The following BOC variants were observed in gnomAD, a reference collection of about 807,000 sequenced individuals.
BOC encodes BOC cell adhesion associated, oncogene regulated.
In BOC, 76 loss-of-function variants were observed where a neutral mutation model predicts 112.0. The observed-to-expected ratio is 0.68, with a 90% confidence interval of 0.56 to 0.82. The LOEUF (loss-of-function observed/expected upper bound fraction) is 0.82, where lower values mean the gene tolerates loss of function less well. Among genes scored for constraint, BOC ranks in the 40% least tolerant of loss-of-function variants. BOC has a pLI of 0.00. For missense variants in BOC, 1,309 were observed against 1,511.7 expected (o/e 0.87, Z 2.22); for synonymous variants, 580 against 599.8 (o/e 0.97, Z 0.48).
At chr3:113,223,969 GT>G (rs1941211645) in intron 2 of BOC, among the ~76,000 whole-genome samples, 1 of 152,252 alleles carries the variant, frequency 6.6e-6, no homozygotes. Flanking sequence ...GGAGCTGCCT[GT>G]GTTTGGGTTC....
At chr3:113,254,221 T>A (rs12485329) in intron 4 of BOC, among the ~76,000 whole-genome samples, 30,609 of 152,180 alleles carry the variant, frequency 0.2, 3,855 homozygotes, top group East Asian at 0.46. Context: ...CTGGGCTTAT[T>A]TGAAAGCCAA....
chr3:113,281,267 T>C (rs1949175557), intron 15 of BOC, 114 bp downstream of exon 15: 1 of 1,270,232 alleles, frequency 7.9e-7, no homozygotes, highest in Admixed American at 2.4e-5. Context: ...GACTCTTTGT[T>C]TTCCAAATAC....
intron 4 of BOC, among the ~76,000 whole-genome samples, chr3:113,265,733 G>A (rs1179239180): frequency 6.6e-6 from 1 of 152,166 alleles, no homozygotes; most frequent in African/African-American, 2.4e-5. Context: ...TAAATAATTT[G>A]TGGGACCAAA....
In BOC at chr3:113,216,205, G is replaced by T; in HGVS notation, c.-151G>T. 2.2e-6 allele frequency: 1 copy of T among 455,954 alleles called. No homozygotes were observed. Among genetic ancestry groups the T allele is most frequent in the South Asian group, 1.6e-5 (1 of 64,378 alleles). 28.2% of individuals were successfully genotyped at this position (455,954 alleles called of 1,614,324 possible). ...TCCTCAGTTTCAGAACAAGCTTCCT[G>T]GAACCCATGACCCATGAAGTCTTGT... On this transcript the variant is annotated 5_prime_UTR_variant, in exon 2 of 20. Coordinates refer to ENST00000682979, the MANE Select transcript of BOC (RefSeq NM_001378074.1).
chr3:113,272,106 A>T, intron 6 of BOC: 1 of 436,282 alleles, frequency 2.3e-6, no homozygotes, highest in Non-Finnish European at 4.2e-6. Flanking sequence ...CTGCCTCTAC[A>T]CTCCCTCACC....
At chr3:113,256,928 G>A (rs1946286719) in intron 4 of BOC, among the ~76,000 whole-genome samples, 1 of 152,182 alleles carries the variant, frequency 6.6e-6, no homozygotes, top group African/African-American at 2.4e-5. Context: ...TATTTTCTGT[G>A]TTGTGTTCTT....
chr3:113,282,780 T>G (rs1576508774), intron 15 of BOC, among the ~76,000 whole-genome samples: 4 of 148,954 alleles, frequency 2.7e-5, no homozygotes, highest in South Asian at 2.2e-4. Flanking sequence ...AGCAGAGAGG[T>G]GGGGGACATT....
intron 16 of BOC, among the ~76,000 whole-genome samples, chr3:113,284,045 C>T (rs1949445259): frequency 6.6e-6 from 1 of 152,054 alleles, no homozygotes; most frequent in Non-Finnish European, 1.5e-5. Flanking sequence ...GGTCAGCTTA[C>T]CTCCTCTAAA....
At chr3:113,246,808 C>T (rs1310791537) in intron 2 of BOC, among the ~76,000 whole-genome samples, 1 of 152,110 alleles carries the variant, frequency 6.6e-6, no homozygotes, top group Non-Finnish European at 1.5e-5. Context: ...TAACTCCTTT[C>T]TCCCTCTCTG....
At chr3:113,232,413 G>A (rs925824559) in intron 2 of BOC, among the ~76,000 whole-genome samples, 1 of 152,230 alleles carries the variant, frequency 6.6e-6, no homozygotes, top group Non-Finnish European at 1.5e-5. Flanking sequence ...GGAAGGATTG[G>A]GGATGAAGTT....
chr3:113,226,565 T>C (rs1399958902), intron 2 of BOC, among the ~76,000 whole-genome samples: 3 of 152,184 alleles, frequency 2.0e-5, no homozygotes, highest in East Asian at 3.8e-4. Context: ...CCAATTGAGA[T>C]GGAATCTTAA....
intron 15 of BOC, among the ~76,000 whole-genome samples, chr3:113,282,164 G>T (rs1316212825): frequency 1.3e-5 from 2 of 152,178 alleles, no homozygotes; most frequent in Non-Finnish European, 2.9e-5. Context: ...AGGATGGTGT[G>T]AGATGAGCCG....
At chr3:113,268,713 C>T (rs1343518011) in intron 5 of BOC, among the ~76,000 whole-genome samples, 2 of 152,196 alleles carry the variant, frequency 1.3e-5, no homozygotes, top group Non-Finnish European at 1.5e-5. Context: ...CTCAAGAGAT[C>T]CTCCTTCCTC....
chr3:113,265,606 A>T (rs1014350438), intron 4 of BOC, among the ~76,000 whole-genome samples: 1 of 152,220 alleles, frequency 6.6e-6, no homozygotes, highest in Admixed American at 6.5e-5. Context: ...AAAGTTACCG[A>T]TGTTTAGCTA....
At chr3:113,256,478 C>T (rs1277473004) in intron 4 of BOC, among the ~76,000 whole-genome samples, 2 of 152,130 alleles carry the variant, frequency 1.3e-5, no homozygotes. Flanking sequence ...CAACTGCTGC[C>T]GTATACAGAC....
intron 2 of BOC, among the ~76,000 whole-genome samples, chr3:113,220,648 A>C (rs565231143): frequency 1.9e-4 from 29 of 152,144 alleles, no homozygotes; most frequent in Non-Finnish European, 3.7e-4. Context: ...CAAGGGATTC[A>C]TCTGCTTCTG....
chr3:113,278,816 TC>T lies in BOC; in HGVS notation c.1816+34del. On this transcript the variant is annotated intron_variant, in intron 11 of 19. Transcript: ENST00000682979. This position sits in a 1 kb window ranked among gnomAD's most constrained non-coding sequence, Gnocchi z 4.2. ...GCTAGCAGCAGGGACGGACGCGCAG[TC>T]AGGACTGGAACTGCCTCAGAGGCCT... 1 of 1,539,264 alleles carries T rather than the reference TC, an allele frequency of 6.5e-7. No homozygotes were observed. The highest frequency in any genetic ancestry group is 8.8e-7 in the Non-Finnish European group (1 of 1,136,380).
At chr3:113,277,136 A>T (rs1264111671) in intron 9 of BOC, among the ~76,000 whole-genome samples, 1 of 152,190 alleles carries the variant, frequency 6.6e-6, no homozygotes. Flanking sequence ...CAAGGACTGA[A>T]GGCAGGAGCG....
rs1384175664 is a variant in BOC at position 113,279,294 on chromosome 3, C to T, written c.1862C>T (p.Thr621Ile). 1 of 1,614,182 alleles carries T rather than the reference C, an allele frequency of 6.2e-7. No individual in the cohort carries two copies. The highest frequency in any genetic ancestry group is 1.7e-5 in the Admixed American group (1 of 60,028). Residue 621 changes from threonine to isoleucine, a missense_variant, in exon 12 of 20, where the codon ACC becomes ATC. Thr to Ile is a moderately conservative substitution (Grantham distance 89). Coordinates refer to ENST00000682979, the MANE Select transcript of BOC (RefSeq NM_001378074.1). ...CCCACCATCTCCACGGCCTCCGAGA[C>T]CTCAGTGTACGTGACCTGGATTCCC... The part of the protein sequence containing the change: ...DRPTISTASE[T>I]SVYVTWIPRG...
Sources: gnomAD v4.1 joint callset for allele counts (sites outside exome capture counted in the v4.1 genomes callset) on GRCh38, gnomAD v4.1.1 for gene constraint, Gnocchi (gnomAD v3.1) non-coding constraint, MANE v1.5 for transcripts, NCBI Gene and HGNC (gene_info 2026-07-23, HGNC 2026-07-21) for gene names.